Variants in HS6ST1 observed in about 807,000 individuals in gnomAD.
HS6ST1 encodes the protein heparan-sulfate 6-O-sulfotransferase 1.
A neutral mutation model predicts 25.2 loss-of-function variants in HS6ST1; 3 were observed. The observed-to-expected ratio is 0.12, with a 90% CI of 0.05 to 0.31. The LOEUF is 0.31. HS6ST1 is among the 10% of genes least tolerant of loss of function. HS6ST1 has a pLI of 1.00. For synonymous variants in HS6ST1, 204 were observed against 275.1 expected, an observed-to-expected ratio of 0.74 and a Z score of 2.56; for missense variants, 310 against 609.6, an observed-to-expected ratio of 0.51 and a Z score of 5.18.
chr2:128,272,752 G>A (rs1693629201), intron 1 of HS6ST1, among the ~76,000 whole-genome samples: 1 of 152,174 alleles, frequency 6.6e-6, no homozygotes, highest in African/African-American at 2.4e-5. Context: ...GAAGCCGTGA[G>A]CAATTTACTC....
At position 128,268,486 on chromosome 2, in the gene HS6ST1, G is replaced by A. The variant is rs367706063; in HGVS notation, c.912C>T (p.Phe304=). ...TGAACTTGAGGTTGAACGTCCGCTC[G>A]AACAGGTACTGCGTCTTGCGCTGGA... ...TEFQRKTQYL[F]ERTFNLKFIR... is the part of the protein sequence containing the mutation. The change falls in exon 2 of 2, where the codon TTC becomes TTT. Residue 304 remains phenylalanine (F), a synonymous_variant. Transcript: ENST00000259241. The A allele has an allele frequency of 1.8e-4, 297 of 1,612,640 alleles. No individual in the cohort carries two copies. Among genetic ancestry groups the A allele is most frequent in the Non-Finnish European group, 2.1e-4 (252 of 1,179,562 alleles).
intron 1 of HS6ST1, among the ~76,000 whole-genome samples, chr2:128,290,852 A>T (rs1463137705): frequency 6.8e-6 from 1 of 147,762 alleles, no homozygotes; most frequent in East Asian, 2.0e-4. Flanking sequence ...AAAATTTAGC[A>T]TGCATGATGG....
At chr2:128,314,353 C>G (rs1694331714) in intron 1 of HS6ST1, among the ~76,000 whole-genome samples, 1 of 152,078 alleles carries the variant, frequency 6.6e-6, no homozygotes, top group Admixed American at 6.5e-5. Context: ...CCAGATCCTG[C>G]AGAGTCCAGG....
At chr2:128,315,096 G>A (rs1369242289) in intron 1 of HS6ST1, among the ~76,000 whole-genome samples, 5 of 152,188 alleles carry the variant, frequency 3.3e-5, no homozygotes, top group Non-Finnish European at 5.9e-5. Flanking sequence ...GCCAGCAAAC[G>A]TCCTTCCAGT....
chr2:128,283,693 A>G (rs1262000803), intron 1 of HS6ST1, among the ~76,000 whole-genome samples: 1 of 152,030 alleles, frequency 6.6e-6, no homozygotes, highest in East Asian at 1.9e-4. Flanking sequence ...CATTATAGGG[A>G]TGGCAGGGGT....
At chr2:128,291,660 T>C (rs1351129312) in intron 1 of HS6ST1, among the ~76,000 whole-genome samples, 3 of 152,210 alleles carry the variant, frequency 2.0e-5, no homozygotes, top group African/African-American at 7.2e-5. Flanking sequence ...GCACAGGCTG[T>C]GTGCCTCACC....
Position 128,318,492 on chromosome 2 carries a change from G to C in HS6ST1, c.72C>G (p.Gly24=). ...RASKFVLVVA[G]SVCFMLILYQ... ...ACAAGATGAGCATGAAGCACACCGA[G>C]CCCGCCACCACCAGCACGAACTTGC... Residue 24 remains glycine, a synonymous_variant, in exon 1 of 2, where the codon GGC becomes GGG. Coordinates refer to ENST00000259241, the MANE Select transcript of HS6ST1 (RefSeq NM_004807.3). This position sits in a 1 kb window ranked among gnomAD's most constrained non-coding sequence, Gnocchi z 5.7. 1.3e-6 allele frequency: 2 copies of C among 1,548,456 alleles called. No homozygotes were observed. Among genetic ancestry groups the C allele is most frequent in the Admixed American group, 1.9e-5 (1 of 51,330 alleles).
intron 1 of HS6ST1, among the ~76,000 whole-genome samples, chr2:128,279,309 T>C (rs573281375): frequency 6.6e-6 from 1 of 151,534 alleles, no homozygotes; most frequent in African/African-American, 2.4e-5. Flanking sequence ...ACGCTGTCAT[T>C]TAGAGTCAGA....
intron 1 of HS6ST1, among the ~76,000 whole-genome samples, chr2:128,271,604 C>T (rs1693610580): frequency 6.6e-6 from 1 of 152,226 alleles, no homozygotes; most frequent in South Asian, 2.1e-4. Flanking sequence ...TGTTTCTGCT[C>T]AGTTCTGTCC....
chr2:128,302,789 G>A (rs1694152546), intron 1 of HS6ST1, among the ~76,000 whole-genome samples: 1 of 152,152 alleles, frequency 6.6e-6, no homozygotes, highest in African/African-American at 2.4e-5. Flanking sequence ...CTCTGTGGTG[G>A]GGCCTCTTCC....
intron 1 of HS6ST1, among the ~76,000 whole-genome samples, chr2:128,273,489 C>T (rs754662232): frequency 1.6e-4 from 25 of 152,238 alleles, no homozygotes; most frequent in Non-Finnish European, 2.5e-4. Flanking sequence ...CCTGCCTGAA[C>T]GGTATGGAAG....
At chr2:128,317,516 CAG>C (rs1694390594) in intron 1 of HS6ST1, among the ~76,000 whole-genome samples, 1 of 152,256 alleles carries the variant, frequency 6.6e-6, no homozygotes, top group East Asian at 1.9e-4. Context: ...GGCAGGCGGG[CAG>C]AGCCAGCCCC....
At position 128,271,918 on chromosome 2, in the gene HS6ST1, C is replaced by T. The variant is rs527984387; in HGVS notation, c.528-3048G>A. On this transcript the variant is annotated intron_variant, in intron 1 of 1. Transcript: ENST00000259241. ...CATAACTGCAAATGCCAGGTCAGCA[C>T]CAGAGCACAGAGGGATGGAGGTGAA... 3.3e-5 allele frequency among the ~76,000 whole-genome samples: 5 copies of T among 152,344 alleles called. No homozygotes were observed. In the South Asian group the frequency reaches 1.0e-3, roughly 32 times the overall value.
chr2:128,275,063 G>C (rs1406325587), intron 1 of HS6ST1, among the ~76,000 whole-genome samples: 1 of 151,732 alleles, frequency 6.6e-6, no homozygotes, highest in Non-Finnish European at 1.5e-5. Flanking sequence ...ATGAATGGTA[G>C]GTGTGTGGCA....
chr2:128,282,537 CT>C (rs914307344), intron 1 of HS6ST1, among the ~76,000 whole-genome samples: 10 of 152,258 alleles, frequency 6.6e-5, no homozygotes, highest in Non-Finnish European at 1.2e-4. Flanking sequence ...CGCCAGCGTC[CT>C]AATGGCACTG....
Position 128,267,766 on chromosome 2 carries a change from G to A in HS6ST1, c.*396C>T, listed in dbSNP as rs1693542605. ...GCCCGGACAGAGGAGCTAAGAGCGA[G>A]TGCTGTGTGCATAGTTGGTGAGGGA... is the stretch of plus-strand genomic sequence containing the variant. On this transcript the variant is annotated 3_prime_UTR_variant, in exon 2 of 2. Coordinates refer to ENST00000259241, the MANE Select transcript of HS6ST1 (RefSeq NM_004807.3). 3.5e-6 allele frequency: 1 copy of A among 283,092 alleles called. No individual in the cohort carries two copies. The highest frequency in any genetic ancestry group is 6.7e-6 in the Non-Finnish European group (1 of 148,488). 17.5% of individuals were successfully genotyped at this position (283,092 alleles called of 1,614,324 possible). A position where few individuals can be genotyped will look rare whatever the true frequency, so the allele number is the denominator to read the frequency against.
chr2:128,314,125 C>T (rs2104938835), intron 1 of HS6ST1, among the ~76,000 whole-genome samples: 1 of 152,178 alleles, frequency 6.6e-6, no homozygotes, highest in Non-Finnish European at 1.5e-5. Context: ...CATCTGTCCC[C>T]ATCACAGCAG....
intron 1 of HS6ST1, among the ~76,000 whole-genome samples, chr2:128,271,058 C>T (rs767910220): frequency 2.0e-4 from 30 of 152,246 alleles, no homozygotes; most frequent in Admixed American, 3.9e-4. Context: ...CCATCATGAG[C>T]TCCTCTGCCC....
chr2:128,297,580 C>A (rs1009488526), intron 1 of HS6ST1, among the ~76,000 whole-genome samples: 88 of 152,318 alleles, frequency 5.8e-4, no homozygotes, highest in African/African-American at 2.0e-3. Flanking sequence ...ATAATTCTAG[C>A]ACTTTGGGAG....
Sources: gnomAD v4.1 joint callset for allele counts (sites outside exome capture counted in the v4.1 genomes callset) on GRCh38, gnomAD v4.1.1 for gene constraint, Gnocchi (gnomAD v3.1) non-coding constraint, MANE v1.5 for transcripts, NCBI Gene and HGNC (gene_info 2026-07-23, HGNC 2026-07-21) for gene names.